ROCK2: variants seen among roughly 807,000 people sequenced by gnomAD.
ROCK2 encodes Rho associated coiled-coil containing protein kinase 2.
Under a neutral mutation model 195.1 loss-of-function variants are expected in ROCK2, and 61 were observed. That is an observed-to-expected ratio of 0.31 (90% confidence interval 0.25 to 0.39). The LOEUF is 0.39. Among genes scored for constraint, ROCK2 ranks in the 10% least tolerant of loss-of-function variants. ROCK2 has a pLI of 1.00. For missense variants in ROCK2, 1,109 were observed against 1,637.4 expected (o/e 0.68, Z 5.57); for synonymous variants, 504 against 545.5 (o/e 0.92, Z 1.06).
chr2:11,306,215 C>A (rs1667854439), intron 1 of ROCK2, among the ~76,000 whole-genome samples: 1 of 152,096 alleles, frequency 6.6e-6, no homozygotes, highest in South Asian at 2.1e-4. Context: ...TTTTTAAAAA[C>A]CACAAAAGGC....
intron 1 of ROCK2, among the ~76,000 whole-genome samples, chr2:11,299,270 T>C (rs1340014006): frequency 6.8e-6 from 1 of 147,108 alleles, no homozygotes; most frequent in Admixed American, 6.8e-5. Context: ...CAAGACTCCA[T>C]CTCAAAAAAA....
At chr2:11,246,661 T>A (rs1181109958) in intron 4 of ROCK2, among the ~76,000 whole-genome samples, 2 of 152,192 alleles carry the variant, frequency 1.3e-5, no homozygotes, top group Non-Finnish European at 2.9e-5. Flanking sequence ...AGATTTAACC[T>A]ATTACTGTGG....
intron 32 of ROCK2, among the ~76,000 whole-genome samples, chr2:11,184,105 C>T (rs1663105046): frequency 6.6e-6 from 1 of 152,188 alleles, no homozygotes; most frequent in South Asian, 2.1e-4. Flanking sequence ...GCACAATTCT[C>T]ACAGCGTATC....
intron 6 of ROCK2, 119 bp downstream of exon 6, chr2:11,227,135 C>T: frequency 1.0e-6 from 1 of 959,764 alleles, no homozygotes; most frequent in Non-Finnish European, 1.5e-6. Context: ...TCAAAGTTTC[C>T]AGAAATCTAA....
At chr2:11,314,937 T>C (rs372330463) in intron 1 of ROCK2, among the ~76,000 whole-genome samples, 1 of 152,048 alleles carries the variant, frequency 6.6e-6, no homozygotes, top group African/African-American at 2.4e-5. Flanking sequence ...ATGTGCATAT[T>C]CTTATCCATA....
chr2:11,244,657 A>G (rs1171452816), intron 4 of ROCK2, among the ~76,000 whole-genome samples: 1 of 151,848 alleles, frequency 6.6e-6, no homozygotes, highest in Non-Finnish European at 1.5e-5. Flanking sequence ...CTACTTGGGA[A>G]ACTGAGGTGA....
Position 11,197,411 on chromosome 2 carries a change from G to C in ROCK2, c.3280-63C>G. On this transcript the variant is annotated intron_variant, in intron 26 of 32. Coordinates refer to ENST00000315872, the MANE Select transcript of ROCK2 (RefSeq NM_004850.5). This position sits in a 1 kb window ranked among gnomAD's most constrained non-coding sequence, Gnocchi z 4.9. ...AACATAACTCAACATTTTGCTTCTT[G>C]GTTCAATAATAATTATTAAATAGAA... 1 of 1,540,130 alleles carries C rather than the reference G, an allele frequency of 6.5e-7. No individual in the cohort carries two copies. Among genetic ancestry groups the C allele is most frequent in the South Asian group, 1.2e-5 (1 of 84,084 alleles).
chr2:11,233,478 T>C (rs1460764905), intron 5 of ROCK2, among the ~76,000 whole-genome samples: 2 of 152,180 alleles, frequency 1.3e-5, no homozygotes, highest in Admixed American at 6.5e-5. Context: ...TCTGATGTAG[T>C]AGTTTCACTT....
Position 11,197,001 on chromosome 2 carries a change from T to TA in ROCK2, c.3448+178dup, listed in dbSNP as rs948380968. Reference sequence around the variant, plus strand: ...TTTTGTATGTTTATGAAAAACTTTGTAAAAAAAATCAATAAATAAAATAAG... The same window carrying TA: ...TTTTGTATGTTTATGAAAAACTTTGTAAAAAAAAATCAATAAATAAAATAAG... On this transcript the variant is annotated intron_variant, in intron 27 of 32. Transcript: ENST00000315872. This position sits in a 1 kb window ranked among gnomAD's most constrained non-coding sequence, Gnocchi z 4.9. Among the ~76,000 whole-genome samples the TA allele has an allele frequency of 2.9e-4, 44 of 152,172 alleles. No homozygotes were observed. The highest frequency in any genetic ancestry group is 7.9e-4 in the African/African-American group (33 of 41,538).
chr2:11,290,667 G>A (rs1667333871), intron 1 of ROCK2, among the ~76,000 whole-genome samples: 1 of 152,014 alleles, frequency 6.6e-6, no homozygotes, highest in Admixed American at 6.6e-5. Context: ...ATGGGTACGT[G>A]CTAAAAGTCA....
intron 3 of ROCK2, among the ~76,000 whole-genome samples, chr2:11,257,072 A>G (rs963959783): frequency 6.6e-6 from 1 of 151,612 alleles, no homozygotes; most frequent in African/African-American, 2.4e-5. Context: ...TGCCTAAACA[A>G]ATTATAATTA....
At chr2:11,223,788 G>C (rs1247770793) in intron 7 of ROCK2, among the ~76,000 whole-genome samples, 4 of 152,078 alleles carry the variant, frequency 2.6e-5, no homozygotes, top group Non-Finnish European at 5.9e-5. Context: ...TAGTTTTCTA[G>C]CTTATCTTTT....
At chr2:11,263,385 C>T (rs1187001810) in intron 3 of ROCK2, among the ~76,000 whole-genome samples, 2 of 152,120 alleles carry the variant, frequency 1.3e-5, no homozygotes, top group Non-Finnish European at 2.9e-5. Context: ...CACACACACA[C>T]ATTAGTTACC....
chr2:11,329,463 C>T (rs1298813172), intron 1 of ROCK2, among the ~76,000 whole-genome samples: 1 of 122,224 alleles, frequency 8.2e-6, no homozygotes, highest in African/African-American at 3.0e-5. Flanking sequence ...ACAATCCCAT[C>T]TCCAAAAAAA....
chr2:11,221,406 A>G, intron 8 of ROCK2, 49 bp from the exon 9 acceptor site: 2 of 1,328,376 alleles, frequency 1.5e-6, no homozygotes, highest in Non-Finnish European at 2.0e-6. Flanking sequence ...CAAAATATAT[A>G]AACCATCCTA....
intron 3 of ROCK2, among the ~76,000 whole-genome samples, chr2:11,261,835 A>G (rs1666239015): frequency 6.6e-6 from 1 of 152,206 alleles, no homozygotes. Context: ...AAATAAATAA[A>G]GAAAGAAGTA....
rs774589003 is a variant in ROCK2 at position 11,200,549 on chromosome 2, A to C, written c.2910+408T>G. On this transcript the variant is annotated intron_variant, in intron 23 of 32. Transcript: ENST00000315872. ...GATTGAATATCCCTGTTCTAATACC[A>C]GACTTTTTAATTACCGCAGCATTTC... Among the ~76,000 whole-genome samples the C allele has an allele frequency of 2.5e-4, 38 of 152,146 alleles. 1 individual carries two copies. The highest frequency in any genetic ancestry group is 5.4e-4 in the Non-Finnish European group (37 of 68,024).
chr2:11,284,058 G>GAATATTGTT (rs1050970845), intron 3 of ROCK2, among the ~76,000 whole-genome samples: 1 of 152,182 alleles, frequency 6.6e-6, no homozygotes, highest in Admixed American at 6.5e-5. Flanking sequence ...CCAGACAACA[G>GAATATTGTT]AATATTGTTT....
intron 32 of ROCK2, among the ~76,000 whole-genome samples, chr2:11,188,506 T>G (rs1663287837): frequency 6.6e-6 from 1 of 152,228 alleles, no homozygotes; most frequent in Non-Finnish European, 1.5e-5. Context: ...TTCCTACTTT[T>G]CCAGTATGGC....
Sources: allele counts gnomAD v4.1 joint callset (sites outside exome capture counted in the v4.1 genomes callset), GRCh38; gene constraint gnomAD v4.1.1; non-coding constraint Gnocchi (gnomAD v3.1); transcripts MANE v1.5; gene names NCBI Gene and HGNC (gene_info 2026-07-23, HGNC 2026-07-21).